Variants in DPP10 observed in about 807,000 individuals in gnomAD.
DPP10 encodes dipeptidyl peptidase like 10, also known as inactive dipeptidyl peptidase 10.
DPP10 carries 33 observed loss-of-function variants against 120.9 expected under a neutral mutation model. That is an observed-to-expected ratio of 0.27 (90% CI 0.21 to 0.37). The LOEUF (loss-of-function observed/expected upper bound fraction) is 0.37, where lower values mean the gene tolerates loss of function less well. DPP10 is among the 10% of genes least tolerant of loss of function. The pLI is 1.00. For missense variants in DPP10, 816 were observed against 942.8 expected (o/e 0.87, Z 1.76); for synonymous variants, 337 against 326.1 (o/e 1.03, Z -0.36).
At position 115,050,556 on chromosome 2, in the gene DPP10, CA is replaced by C. The variant is rs368189353; in HGVS notation, c.61-258674del. Among the ~76,000 whole-genome samples, 495 of 148,452 alleles carry C rather than the reference CA, an allele frequency of 3.3e-3. 5 individuals are homozygous for C. Among genetic ancestry groups the C allele is most frequent in the African/African-American group, 0.011 (459 of 40,494 alleles). Reference sequence around the variant, plus strand: ...CTGGGGAAGTGAATAAAAGTTGGGGCAAAAAAAAATAGATTAATTAAAAGCT... The same window carrying C: ...CTGGGGAAGTGAATAAAAGTTGGGGCAAAAAAAATAGATTAATTAAAAGCT... On this transcript the variant is annotated intron_variant, in intron 1 of 25. Coordinates refer to ENST00000410059, the MANE Select transcript of DPP10 (RefSeq NM_020868.6).
intron 1 of DPP10, among the ~76,000 whole-genome samples, chr2:114,468,562 CCT>C (rs1679627801): frequency 6.6e-6 from 1 of 152,020 alleles, no homozygotes; most frequent in African/African-American, 2.4e-5. Context: ...TTATGTTTCC[CCT>C]GAGGCTCATC....
chr2:115,211,894 A>G (rs1308496417), intron 1 of DPP10, among the ~76,000 whole-genome samples: 1 of 152,190 alleles, frequency 6.6e-6, no homozygotes, highest in African/African-American at 2.4e-5. Context: ...TGAATAAACA[A>G]GTAAATGCTA....
intron 21 of DPP10, among the ~76,000 whole-genome samples, chr2:115,834,287 G>A (rs1689222816): frequency 6.6e-6 from 1 of 152,094 alleles, no homozygotes; most frequent in African/African-American, 2.4e-5. Flanking sequence ...TAGTGACAAT[G>A]ACAATAAAAC....
intron 5 of DPP10, among the ~76,000 whole-genome samples, chr2:115,647,425 A>G (rs1046944298): frequency 6.6e-6 from 1 of 152,136 alleles, no homozygotes; most frequent in Non-Finnish European, 1.5e-5. Flanking sequence ...GGTATGTACT[A>G]AACACTCTGC....
At chr2:114,956,265 G>C (rs1395205215) in intron 1 of DPP10, among the ~76,000 whole-genome samples, 1 of 151,924 alleles carries the variant, frequency 6.6e-6, no homozygotes, top group Non-Finnish European at 1.5e-5. Context: ...AAAGCAACAT[G>C]TAAAAATCAG....
intron 3 of DPP10, among the ~76,000 whole-genome samples, chr2:115,413,713 G>A (rs539023603): frequency 6.6e-6 from 1 of 152,272 alleles, no homozygotes; most frequent in Non-Finnish European, 1.5e-5. Flanking sequence ...CAGTTTTCCA[G>A]ACCTCACATT....
chr2:114,630,677 C>A (rs1439441514), intron 1 of DPP10, among the ~76,000 whole-genome samples: 1 of 152,132 alleles, frequency 6.6e-6, no homozygotes, highest in African/African-American at 2.4e-5. Context: ...TAGCCAAGAG[C>A]CAGTTTTACA....
Position 115,351,163 on chromosome 2 carries a change from A to G in DPP10, c.271+7251A>G, listed in dbSNP as rs538793319. On this transcript the variant is annotated intron_variant, in intron 3 of 25. Coordinates refer to ENST00000410059, the MANE Select transcript of DPP10 (RefSeq NM_020868.6). ...GGAGCGGATAAAGAAAATGTGGTACATATACACCATGGAATACTGTGCAGC... is the reference window on the plus strand; with the variant it reads ...GGAGCGGATAAAGAAAATGTGGTACGTATACACCATGGAATACTGTGCAGC... 2.6e-5 allele frequency among the ~76,000 whole-genome samples: 4 copies of G among 152,254 alleles called. No homozygotes were observed. In the South Asian group the frequency reaches 8.3e-4, roughly 32 times the overall value.
At chr2:115,407,862 A>G (rs2068640061) in intron 3 of DPP10, among the ~76,000 whole-genome samples, 1 of 149,538 alleles carries the variant, frequency 6.7e-6, no homozygotes, top group Admixed American at 6.6e-5. Flanking sequence ...AGGACAGAGG[A>G]GGAAAAAGGA....
At chr2:115,434,760 G>T (rs948386312) in intron 3 of DPP10, among the ~76,000 whole-genome samples, 2 of 151,404 alleles carry the variant, frequency 1.3e-5, no homozygotes, top group Non-Finnish European at 3.0e-5. Flanking sequence ...CTACTATACT[G>T]TCAATCACTA....
At chr2:114,960,320 T>A (rs1698514101) in intron 1 of DPP10, among the ~76,000 whole-genome samples, 1 of 150,912 alleles carries the variant, frequency 6.6e-6, no homozygotes, top group Non-Finnish European at 1.5e-5. Context: ...GGAATATGAA[T>A]TTAGAAAATA....
At chr2:115,804,002 C>G (rs1685598331) in intron 19 of DPP10, among the ~76,000 whole-genome samples, 1 of 152,134 alleles carries the variant, frequency 6.6e-6, no homozygotes, top group Non-Finnish European at 1.5e-5. Context: ...GGGAAGTTCT[C>G]CTGGATAATA....
intron 5 of DPP10, among the ~76,000 whole-genome samples, chr2:115,577,020 C>T (rs1424850692): frequency 1.3e-5 from 2 of 152,162 alleles, no homozygotes; most frequent in African/African-American, 4.8e-5. Context: ...CTCTCTTTTC[C>T]AGCCAAATAT....
chr2:115,307,804 T>C (rs12328929), intron 1 of DPP10, among the ~76,000 whole-genome samples: 258 of 152,260 alleles, frequency 1.7e-3, no homozygotes, highest in African/African-American at 5.9e-3. Flanking sequence ...ATTGACTGTC[T>C]TTATATCACT....
At chr2:115,823,613 T>C (rs888391396) in intron 21 of DPP10, among the ~76,000 whole-genome samples, 3 of 152,198 alleles carry the variant, frequency 2.0e-5, no homozygotes, top group African/African-American at 7.2e-5. Context: ...TTGGCTTTTG[T>C]GGATTTATGA....
intron 1 of DPP10, among the ~76,000 whole-genome samples, chr2:115,165,687 G>A (rs2052782088): frequency 6.6e-6 from 1 of 152,062 alleles, no homozygotes; most frequent in Non-Finnish European, 1.5e-5. Flanking sequence ...AATCAGACAA[G>A]GTTTAGAGTT....
intron 1 of DPP10, among the ~76,000 whole-genome samples, chr2:114,923,863 G>A (rs1362300390): frequency 6.6e-6 from 1 of 151,886 alleles, no homozygotes; most frequent in East Asian, 1.9e-4. Flanking sequence ...CATGTTTTTG[G>A]TGTCATATCT....
intron 3 of DPP10, among the ~76,000 whole-genome samples, chr2:115,498,794 A>T (rs554850394): frequency 1.3e-5 from 2 of 151,408 alleles, no homozygotes; most frequent in African/African-American, 4.8e-5. Context: ...AGGCAGAGAT[A>T]TTGTTAAGAT....
intron 3 of DPP10, among the ~76,000 whole-genome samples, chr2:115,439,655 C>T (rs2071839031): frequency 6.6e-6 from 1 of 152,008 alleles, no homozygotes; most frequent in Non-Finnish European, 1.5e-5. Context: ...ATGCAGCTTC[C>T]CCAAATTGTG....
Sources: allele counts gnomAD v4.1 joint callset (sites outside exome capture counted in the v4.1 genomes callset), GRCh38; gene constraint gnomAD v4.1.1; transcripts MANE v1.5; gene names NCBI Gene and HGNC (gene_info 2026-07-23, HGNC 2026-07-21).